BCORL1: variants seen among roughly 807,000 people sequenced by gnomAD.
The protein encoded by BCORL1 is BCL-6 corepressor-like protein 1.
In BCORL1, 7 loss-of-function variants were observed where a neutral mutation model predicts 87.6. The ratio of observed to expected loss-of-function variants is 0.08; its 90% CI spans 0.05 to 0.15. The LOEUF (loss-of-function observed/expected upper bound fraction) is 0.15. Among genes scored for constraint, BCORL1 ranks in the 10% least tolerant of loss-of-function variants. BCORL1 has a pLI of 1.00. For missense variants in BCORL1, 1,215 were observed against 1,499.7 expected, an observed-to-expected ratio of 0.81 and a Z score of 3.13; for synonymous variants, 591 against 634.4, an observed-to-expected ratio of 0.93 and a Z score of 1.03.
chrX:130,000,249 G>A (rs776293680), intron 1 of BCORL1, among the ~76,000 whole-genome samples: 32 of 110,673 alleles, frequency 2.9e-4, no homozygotes, highest in Non-Finnish European at 3.8e-5. Flanking sequence ...TGTTGCCCAG[G>A]CTGGTCTTGA....
At position 130,021,064 on chromosome X, in the gene BCORL1, A is replaced by G. The variant is rs147703991; in HGVS notation, c.3521A>G (p.Asn1174Ser). ...RGASDSGKEH[N>S]GVRGKHKHRK... ...GCTTCAGATTCAGGAAAAGAGCACA[A>G]TGGAGTCAGGGGAAAGCACAAGCAC... is the stretch of plus-strand genomic sequence containing the variant. Residue 1174 changes from asparagine (N) to serine (S), a missense_variant, in exon 5 of 14, where the codon AAT becomes AGT. Transcript: ENST00000540052. The G allele has an allele frequency of 1.0e-4, 125 of 1,193,897 alleles. No individual in the cohort carries two copies. The highest frequency in any genetic ancestry group is 4.6e-4 in the Middle Eastern group (2 of 4,311).
chrX:130,012,494 C>A, intron 2 of BCORL1, 84 bp from the exon 3 acceptor site: 1 of 792,890 alleles, frequency 1.3e-6, no homozygotes, highest in Non-Finnish European at 1.9e-6. Flanking sequence ...GGGACCCAGG[C>A]AGGCAGGAGG....
At chrX:130,046,178 C>G (rs1050576440) in intron 11 of BCORL1, among the ~76,000 whole-genome samples, 3 of 108,644 alleles carry the variant, frequency 2.8e-5, no homozygotes. Context: ...GTCCCCATTA[C>G]TTAGGAGGCT....
At chrX:130,012,827 G>A in intron 3 of BCORL1, 123 bp from the exon 4 acceptor site, 3 of 1,082,652 alleles carry the variant, frequency 2.8e-6, no homozygotes, top group Non-Finnish European at 3.7e-6. Flanking sequence ...GCTGCCCTCT[G>A]CGTCTTCCGA....
At chrX:130,043,810 C>T (rs1310642278) in intron 11 of BCORL1, among the ~76,000 whole-genome samples, 1 of 46,622 alleles carries the variant, frequency 2.1e-5, no homozygotes, top group East Asian at 8.5e-4. Flanking sequence ...TTTTTTGAGA[C>T]GGAGGCTGGA....
In BCORL1 at chrX:130,021,162, G is replaced by A. The variant is rs367882398; in HGVS notation, c.3607+12G>A. ...CAGCCACGAGGAAGGTAGGCCCCGC[G>A]GCCCTGGCCCTCTGGGCTGGGCTGC... On this transcript the variant is annotated intron_variant, in intron 5 of 13. Coordinates refer to ENST00000540052, the MANE Select transcript of BCORL1 (RefSeq NM_001379451.1). 7.0e-5 allele frequency: 83 copies of A among 1,193,053 alleles called. No homozygotes were observed. The highest frequency in any genetic ancestry group is 9.0e-5 in the Non-Finnish European group (80 of 889,215).
rs757582049 is a variant in BCORL1 at position 130,013,564 on chromosome X, A to C, written c.792A>C (p.Ser264=). Residue 264 remains serine (S), a synonymous_variant, in exon 4 of 14, where the codon TCA becomes TCC. Coordinates refer to ENST00000540052, the MANE Select transcript of BCORL1 (RefSeq NM_001379451.1). ...CGGCTCTGGCTCCAGCGCCACCGTC[A>C]GTGCCCACGCTCATCTCTGACTCGA... ...PVPALAPAPP[S]VPTLISDSNP... is the part of the protein sequence containing the mutation. The C allele has an allele frequency of 8.3e-6, 10 of 1,208,572 alleles. No homozygotes were observed. Among genetic ancestry groups the C allele is most frequent in the Non-Finnish European group, 1.1e-5 (10 of 894,854 alleles).
chrX:130,015,196 G>C lies in BCORL1; in HGVS notation c.2424G>C (p.Thr808=), dbSNP rs138691600. 3.3e-6 allele frequency: 4 copies of C among 1,210,858 alleles called. No homozygotes were observed. Among genetic ancestry groups the C allele is most frequent in the Non-Finnish European group, 4.5e-6 (4 of 895,373 alleles). Residue 808 remains threonine (T), a synonymous_variant, in exon 4 of 14, where the codon ACG becomes ACC. Coordinates refer to ENST00000540052, the MANE Select transcript of BCORL1 (RefSeq NM_001379451.1). ...AGGAACTCTCTTTGTGGAAACCCACGGGGCCGGCAAATATTTATCCCCGGT... is the reference window on the plus strand; with the variant it reads ...AGGAACTCTCTTTGTGGAAACCCACCGGGCCGGCAAATATTTATCCCCGGT... ...QTKELSLWKP[T]GPANIYPRCS... is the part of the protein sequence containing the mutation.
chrX:130,025,389 G>C lies in BCORL1; in HGVS notation c.4078+10G>C. The stretch of plus-strand genomic sequence containing the variant: ...CGGAAAGGGAGAGCAGGTAAGGCTG[G>C]CCAGGGGCTCTGCTGTCGCCGCGGC... On this transcript the variant is annotated intron_variant, in intron 7 of 13. Transcript: ENST00000540052. 8.8e-7 allele frequency: 1 copy of C among 1,136,561 alleles called. No individual in the cohort carries two copies. Among genetic ancestry groups the C allele is most frequent in the Non-Finnish European group, 1.2e-6 (1 of 859,899 alleles). 93.7% of individuals were successfully genotyped at this position (1,136,561 alleles called of 1,213,427 possible). A position where few individuals can be genotyped will look rare whatever the true frequency, so the allele number is the denominator to read the frequency against.
intron 1 of BCORL1, among the ~76,000 whole-genome samples, chrX:129,996,230 C>T (rs1927553758): frequency 9.0e-6 from 1 of 111,343 alleles, no homozygotes; most frequent in Non-Finnish European, 1.9e-5. Flanking sequence ...TCATCACTGA[C>T]CCAGCCCTCC....
chrX:130,017,597 A>G (rs780560940), intron 4 of BCORL1, among the ~76,000 whole-genome samples: 3 of 109,977 alleles, frequency 2.7e-5, no homozygotes, highest in African/African-American at 6.6e-5. Context: ...CTGGTTCCAA[A>G]GTCCATGTTC....
At chrX:130,048,799 C>T (rs748018168) in intron 11 of BCORL1, among the ~76,000 whole-genome samples, 12 of 111,980 alleles carry the variant, frequency 1.1e-4, no homozygotes, top group Non-Finnish European at 1.3e-4. Flanking sequence ...AAAATCCTGT[C>T]CCCATTAAGC....
Position 130,014,957 on chromosome X carries a change from C to A in BCORL1, c.2185C>A (p.Leu729Met), listed in dbSNP as rs772027182. Reference protein sequence around the residue: ...GVANPVPASLLLNKDPNLGLN... With the variant: ...GVANPVPASLMLNKDPNLGLN... ...GGCCAACCCAGTGCCTGCATCCCTGCTGCTGAACAAAGACCCCAACCTGGG... is the reference window on the plus strand; with the variant it reads ...GGCCAACCCAGTGCCTGCATCCCTGATGCTGAACAAAGACCCCAACCTGGG... Residue 729 changes from leucine to methionine, a missense_variant, in exon 4 of 14, where the codon CTG (leucine) becomes ATG (methionine). By Grantham distance (15) the Leu-to-Met change is conservative. Coordinates refer to ENST00000540052, the MANE Select transcript of BCORL1 (RefSeq NM_001379451.1). The A allele has an allele frequency of 8.3e-7, 1 of 1,211,800 alleles. No individual in the cohort carries two copies. Among genetic ancestry groups the A allele is most frequent in the South Asian group, 1.8e-5 (1 of 56,986 alleles).
At chrX:130,050,582 C>G in intron 11 of BCORL1, 135 bp from the exon 12 acceptor site, 2 of 538,543 alleles carry the variant, frequency 3.7e-6, no homozygotes, top group Non-Finnish European at 6.5e-6. Flanking sequence ...GTGTGTCTCT[C>G]TGGTCACTCC....
Position 130,057,427 on chromosome X carries a change from G to A in BCORL1, c.*1291G>A, listed in dbSNP as rs1932456674. 9.0e-6 allele frequency: 1 copy of A among 111,543 alleles called. No individual in the cohort carries two copies. Among genetic ancestry groups the A allele is most frequent in the Admixed American group, 9.5e-5 (1 of 10,484 alleles). The allele number at this position is 111,543 out of a possible 1,213,427, so 9.2% of individuals were successfully genotyped here. A position where few individuals can be genotyped will look rare whatever the true frequency, so the allele number is the denominator to read the frequency against. ...CGAGTGAGAGAGAGAGAGGAGCTTGGGTTGCTTCCCTGTCCCCGCCCCCTC... is the reference window on the plus strand; with the variant it reads ...CGAGTGAGAGAGAGAGAGGAGCTTGAGTTGCTTCCCTGTCCCCGCCCCCTC... On this transcript the variant is annotated 3_prime_UTR_variant, in exon 14 of 14. Transcript: ENST00000540052.
intron 6 of BCORL1, among the ~76,000 whole-genome samples, chrX:130,023,869 G>T (rs961009445): frequency 4.4e-5 from 5 of 112,658 alleles, no homozygotes; most frequent in African/African-American, 9.7e-5. Flanking sequence ...ACTTTGTTTT[G>T]CCTAGTCTAT....
At position 129,988,570 on chromosome X, in the gene BCORL1, A is replaced by G. The variant is rs758867733; in HGVS notation, c.-45+5808A>G. On this transcript the variant is annotated intron_variant, in intron 1 of 13. Transcript: ENST00000540052. The stretch of plus-strand genomic sequence containing the variant: ...AATACAGCTGATATATTATTTGTAA[A>G]ATGTGGTAATTTTCAGATTTACTCA... Among the ~76,000 whole-genome samples, 505 of 111,867 alleles carry G rather than the reference A, an allele frequency of 4.5e-3. 1 individual carries two copies. Among genetic ancestry groups the G allele is most frequent in the Non-Finnish European group, 7.5e-3 (398 of 53,144 alleles).
intron 2 of BCORL1, among the ~76,000 whole-genome samples, chrX:130,011,810 T>TG (rs1239784393): frequency 1.0e-5 from 1 of 97,576 alleles, no homozygotes; most frequent in Non-Finnish European, 2.1e-5. Context: ...GGGAGACTGA[T>TG]GGGGGGGCAG....
In BCORL1 at chrX:130,016,045, G is replaced by T; in HGVS notation, c.3273G>T (p.Val1091=). The T allele has an allele frequency of 1.7e-6, 2 of 1,211,966 alleles. No individual in the cohort carries two copies. Among genetic ancestry groups the T allele is most frequent in the Non-Finnish European group, 2.2e-6 (2 of 895,602 alleles). ...GGGCTAAGGCCGGGCAGGCTCGAGT[G>T]AAACAGGAAAGCGTAGGGGTCTTTG... is the stretch of plus-strand genomic sequence containing the variant. ...EVRAKAGQAR[V]KQESVGVFAC... is the part of the protein sequence containing the mutation. Residue 1091 remains valine (V), a synonymous_variant, in exon 4 of 14, where the codon GTG becomes GTT. Coordinates refer to ENST00000540052, the MANE Select transcript of BCORL1 (RefSeq NM_001379451.1).
Sources: gnomAD v4.1 joint callset for allele counts (sites outside exome capture counted in the v4.1 genomes callset) on GRCh38, gnomAD v4.1.1 for gene constraint, MANE v1.5 for transcripts, NCBI Gene and HGNC (gene_info 2026-07-23, HGNC 2026-07-21) for gene names.